The following NUP214 variants were observed in gnomAD, a reference collection of about 807,000 sequenced individuals.
NUP214 encodes nucleoporin 214.
NUP214 carries 79 observed loss-of-function variants against 196.2 expected under a neutral mutation model. That is an observed-to-expected ratio of 0.40 (90% CI 0.34 to 0.49). NUP214 has a LOEUF of 0.49. Among genes scored for constraint, NUP214 ranks in the 20% least tolerant of loss-of-function variants. The pLI is 0.58. For synonymous variants in NUP214, 1,020 were observed against 990.5 expected (o/e 1.03, Z -0.56); for missense variants, 2,468 against 2,539.0 (o/e 0.97, Z 0.60).
intron 23 of NUP214, among the ~76,000 whole-genome samples, chr9:131,177,937 A>G (rs118014353): frequency 0.025 from 3,742 of 152,318 alleles, 77 homozygotes; most frequent in Non-Finnish European, 0.038. Context: ...AAAGAAAGAC[A>G]GTGAATGAGT....
chr9:131,190,428 C>G (rs778209897), intron 26 of NUP214: 1 of 692,528 alleles, frequency 1.4e-6, no homozygotes, highest in Non-Finnish European at 2.6e-6. Context: ...CATTGCTGAT[C>G]ATGAAATCCT....
intron 31 of NUP214, among the ~76,000 whole-genome samples, chr9:131,216,568 T>A (rs1312085660): frequency 5.5e-5 from 8 of 144,440 alleles, no homozygotes; most frequent in African/African-American, 2.1e-4. Flanking sequence ...AGTGTTGCTC[T>A]GTCACCCAGG....
At chr9:131,156,259 A>G (rs1397307646) in intron 17 of NUP214, among the ~76,000 whole-genome samples, 8 of 150,948 alleles carry the variant, frequency 5.3e-5, no homozygotes. Context: ...CAGCCTCCTG[A>G]GTAGCTGGAA....
Position 131,129,408 on chromosome 9 carries a change from G to T in NUP214, c.523G>T (p.Ala175Ser). 1 of 1,614,184 alleles carries T rather than the reference G, an allele frequency of 6.2e-7. No homozygotes were observed. Among genetic ancestry groups the T allele is most frequent in the Non-Finnish European group, 8.5e-7 (1 of 1,180,034 alleles). ...AGTTTGTCTGGCTGATGGTAGTATT[G>T]CTGTCCTGCAAGTCACGGAAACAGT... is the stretch of plus-strand genomic sequence containing the variant. ...VAVCLADGSI[A>S]VLQVTETVKV... The change falls in exon 4 of 36, where the codon GCT becomes TCT. Residue 175 changes from alanine to serine, a missense_variant. Physicochemically the swap from Ala to Ser is moderately conservative, Grantham distance 99 (BLOSUM62 1). Transcript: ENST00000359428.
At chr9:131,144,801 A>G in intron 12 of NUP214, 47 bp downstream of exon 12, 1 of 1,344,566 alleles carries the variant, frequency 7.4e-7, no homozygotes. Context: ...GGGTAGAAAT[A>G]TTGGATGTTA....
chr9:131,141,529 G>T (rs775225832), intron 11 of NUP214: 4 of 139,036 alleles, frequency 2.9e-5, no homozygotes, highest in Non-Finnish European at 4.5e-5. Context: ...TGTTGCCTAG[G>T]TTGGAGTGCA....
chr9:131,187,003 G>T, intron 24 of NUP214: 3 of 347,754 alleles, frequency 8.6e-6, no homozygotes, highest in South Asian at 3.5e-5. Flanking sequence ...TTATACTCTG[G>T]ATAGCAAAAA....
chr9:131,192,169 CT>C (rs66652901), intron 26 of NUP214, 38 bp from the exon 27 acceptor site: 3,042 of 446,520 alleles, frequency 6.8e-3, no homozygotes, highest in East Asian at 0.018. Flanking sequence ...TTGTAATATT[CT>C]TTTTTTTTTT....
chr9:131,210,682 C>T (rs182004744), intron 30 of NUP214, among the ~76,000 whole-genome samples: 2 of 150,566 alleles, frequency 1.3e-5, no homozygotes, highest in East Asian at 3.9e-4. Flanking sequence ...AAATCTAGTA[C>T]GTGAAATAAA....
intron 32 of NUP214, 22 bp downstream of exon 32, chr9:131,222,952 A>T (rs766319894): frequency 2.5e-6 from 4 of 1,607,748 alleles, no homozygotes; most frequent in Non-Finnish European, 3.4e-6. Context: ...TCTATTTGTT[A>T]TGGTTATCTT....
intron 26 of NUP214, chr9:131,190,335 A>C (rs1459250754): frequency 1.7e-6 from 1 of 593,952 alleles, no homozygotes; most frequent in Non-Finnish European, 3.0e-6. Flanking sequence ...TTGGAGTTAG[A>C]ATCAAAGAAA....
At chr9:131,144,147 T>C in intron 11 of NUP214, 133 bp from the exon 12 acceptor site, 1 of 713,192 alleles carries the variant, frequency 1.4e-6, no homozygotes, top group Non-Finnish European at 2.4e-6. Context: ...TGTACCCATG[T>C]GTTCTTTTTG....
At chr9:131,183,266 G>A (rs1352201589) in intron 24 of NUP214, among the ~76,000 whole-genome samples, 1 of 152,118 alleles carries the variant, frequency 6.6e-6, no homozygotes, top group African/African-American at 2.4e-5. Flanking sequence ...TATATTTTTG[G>A]TAGAGACGGG....
chr9:131,192,975 C>T (rs533715245), intron 27 of NUP214, among the ~76,000 whole-genome samples: 7 of 136,646 alleles, frequency 5.1e-5, no homozygotes, highest in African/African-American at 1.9e-4. Flanking sequence ...AAAAGGCTTA[C>T]TGCATCGAGA....
chr9:131,190,147 T>A (rs1833557642), intron 26 of NUP214: 5 of 298,394 alleles, frequency 1.7e-5, no homozygotes, highest in Non-Finnish European at 3.1e-5. Flanking sequence ...ACAGTTGGTA[T>A]CATGTACGCC....
chr9:131,166,699 A>G (rs1196420400), intron 21 of NUP214, among the ~76,000 whole-genome samples: 1 of 151,716 alleles, frequency 6.6e-6, no homozygotes, highest in Admixed American at 6.6e-5. Flanking sequence ...TGCATACCCC[A>G]GTTTTCCTTC....
At chr9:131,149,549 C>G (rs2133510346) in intron 14 of NUP214, among the ~76,000 whole-genome samples, 2 of 151,466 alleles carry the variant, frequency 1.3e-5, no homozygotes, top group Middle Eastern at 6.8e-3. Flanking sequence ...GTCATAAGCC[C>G]ACAGCTCTGT....
chr9:131,165,405 A>G (rs975306264), intron 21 of NUP214: 3 of 152,258 alleles, frequency 2.0e-5, no homozygotes, highest in Admixed American at 1.3e-4. Flanking sequence ...AATTGAGATT[A>G]TAACAGTTTT....
intron 11 of NUP214, among the ~76,000 whole-genome samples, chr9:131,143,215 C>T (rs1831977673): frequency 6.6e-6 from 1 of 152,054 alleles, no homozygotes; most frequent in Admixed American, 6.6e-5. Context: ...CACTTTGTTC[C>T]CCAGGCTGGT....
Sources: allele counts gnomAD v4.1 joint callset (sites outside exome capture counted in the v4.1 genomes callset), GRCh38; gene constraint gnomAD v4.1.1; transcripts MANE v1.5; gene names NCBI Gene and HGNC (gene_info 2026-07-23, HGNC 2026-07-21).